CENPP: variants seen among roughly 807,000 people sequenced by gnomAD.
CENPP encodes centromere protein P.
A neutral mutation model predicts 35.6 loss-of-function variants in CENPP; 24 were observed. The ratio of observed to expected loss-of-function variants is 0.67; its 90% CI spans 0.49 to 0.95. The LOEUF is 0.95. CENPP is among the 40% of genes least tolerant of loss of function. CENPP has a pLI of 0.00. For synonymous variants in CENPP, 120 were observed against 125.5 expected (o/e 0.96, Z 0.29); for missense variants, 332 against 345.3 (o/e 0.96, Z 0.31).
chr9:92,601,497 C>A (rs1254589853), intron 5 of CENPP, among the ~76,000 whole-genome samples: 1 of 152,190 alleles, frequency 6.6e-6, no homozygotes, highest in Admixed American at 6.5e-5. Flanking sequence ...CATGTTAGAG[C>A]TCTTGAGAAT....
At chr9:92,591,661 G>A (rs769919149) in intron 5 of CENPP, among the ~76,000 whole-genome samples, 29 of 151,922 alleles carry the variant, frequency 1.9e-4, no homozygotes, top group African/African-American at 5.6e-4. Context: ...ATCTGTCTGC[G>A]ATGTTTCATT....
chr9:92,491,025 C>G (rs1159631274), intron 5 of CENPP, among the ~76,000 whole-genome samples: 1 of 152,058 alleles, frequency 6.6e-6, no homozygotes, highest in Non-Finnish European at 1.5e-5. Context: ...AGATGGAACT[C>G]TTTATTCAAG....
At chr9:92,451,004 T>C (rs1201099380) in intron 5 of CENPP, among the ~76,000 whole-genome samples, 2 of 152,190 alleles carry the variant, frequency 1.3e-5, no homozygotes, top group East Asian at 3.9e-4. Flanking sequence ...TAGCTCTTTG[T>C]CAGATGAGTA....
chr9:92,514,808 C>T lies in CENPP; in HGVS notation c.565-96506C>T, dbSNP rs753114560. On this transcript the variant is annotated intron_variant, in intron 5 of 7. Transcript: ENST00000375587. The stretch of plus-strand genomic sequence containing the variant: ...GGCATTCGGAACATATCTCCTCTTA[C>T]CGGGTCCTCCTCGTCCTCCTCATCC... The T allele has an allele frequency of 3.8e-5, 61 of 1,613,564 alleles. No individual in the cohort carries two copies. The highest frequency in any genetic ancestry group is 3.0e-4 in the South Asian group (27 of 90,990).
chr9:92,496,585 A>G, intron 5 of CENPP: 1 of 1,446,830 alleles, frequency 6.9e-7, no homozygotes, highest in Non-Finnish European at 9.2e-7. Context: ...CTTAAAATAA[A>G]GTTGGATCCT....
chr9:92,358,216 A>G (rs1841644842), intron 4 of CENPP, among the ~76,000 whole-genome samples: 1 of 148,646 alleles, frequency 6.7e-6, no homozygotes, highest in Admixed American at 6.7e-5. Context: ...TTCTCTTGAC[A>G]TGTCCCCATG....
chr9:92,510,345 T>C (rs1847260839), intron 5 of CENPP, among the ~76,000 whole-genome samples: 1 of 152,254 alleles, frequency 6.6e-6, no homozygotes, highest in African/African-American at 2.4e-5. Flanking sequence ...TCTTGCTAGA[T>C]CTTAGGTTTC....
At chr9:92,337,871 G>A (rs992677420) in intron 3 of CENPP, among the ~76,000 whole-genome samples, 7 of 152,356 alleles carry the variant, frequency 4.6e-5, no homozygotes, top group African/African-American at 1.7e-4. Context: ...CAGGTAGCAA[G>A]ATGCTCCTGG....
In CENPP at chr9:92,516,074, C is replaced by A. The variant is rs193022164; in HGVS notation, c.565-95240C>A. ...ATTTCACAGTGCATACTTTTTTTTC[C>A]CCCCCCCGAGACGGAGTCTTGCTCT... On this transcript the variant is annotated intron_variant, in intron 5 of 7. Transcript: ENST00000375587. 2.9e-5 allele frequency among the ~76,000 whole-genome samples: 4 copies of A among 140,154 alleles called. No individual in the cohort carries two copies. In the East Asian group the frequency reaches 8.1e-4, roughly 28 times the overall value. The allele number at this position is 140,154 out of a possible 152,430, so 91.9% of individuals were successfully genotyped here.
chr9:92,495,534 C>T, intron 5 of CENPP: 1 of 982,170 alleles, frequency 1.0e-6, no homozygotes, highest in Non-Finnish European at 1.2e-6. Context: ...TTTAAGCAAA[C>T]TCTACTGCTT....
At chr9:92,572,139 A>G (rs1393354174) in intron 5 of CENPP, among the ~76,000 whole-genome samples, 2 of 152,112 alleles carry the variant, frequency 1.3e-5, no homozygotes, top group African/African-American at 4.8e-5. Flanking sequence ...TTATGATGTT[A>G]GCTGGTTATT....
At chr9:92,466,170 C>T (rs1270839082) in intron 5 of CENPP, among the ~76,000 whole-genome samples, 3 of 152,078 alleles carry the variant, frequency 2.0e-5, no homozygotes, top group East Asian at 3.9e-4. Flanking sequence ...GACAGTATTA[C>T]GAAGATCATA....
At chr9:92,447,995 A>C (rs1416636919) in intron 5 of CENPP, among the ~76,000 whole-genome samples, 1 of 152,170 alleles carries the variant, frequency 6.6e-6, no homozygotes, top group Non-Finnish European at 1.5e-5. Flanking sequence ...ACTCACCCTA[A>C]AGGTAATGAT....
intron 5 of CENPP, among the ~76,000 whole-genome samples, chr9:92,492,831 G>GTGCC (rs991899474): frequency 3.3e-5 from 5 of 152,166 alleles, no homozygotes; most frequent in African/African-American, 4.8e-5. Context: ...TTGTTCTCAT[G>GTGCC]TGCCACCTGC....
intron 5 of CENPP, among the ~76,000 whole-genome samples, chr9:92,554,470 A>G (rs1437987230): frequency 6.6e-6 from 1 of 152,220 alleles, no homozygotes; most frequent in Admixed American, 6.5e-5. Flanking sequence ...GGCGTGAGCC[A>G]CTGCGCCCTG....
At chr9:92,453,780 A>G (rs1164111541) in intron 5 of CENPP, among the ~76,000 whole-genome samples, 2 of 152,180 alleles carry the variant, frequency 1.3e-5, no homozygotes, top group Non-Finnish European at 2.9e-5. Flanking sequence ...TGAAAGAGAA[A>G]TAGTATGGTA....
chr9:92,572,461 G>T (rs937262508), intron 5 of CENPP, among the ~76,000 whole-genome samples: 3 of 152,210 alleles, frequency 2.0e-5, no homozygotes, highest in African/African-American at 7.2e-5. Context: ...GAGATCCGCT[G>T]TTAGTCTGAT....
chr9:92,498,836 T>G (rs1456849375), intron 5 of CENPP, among the ~76,000 whole-genome samples: 6 of 152,208 alleles, frequency 3.9e-5, no homozygotes, highest in African/African-American at 1.4e-4. Flanking sequence ...ATTTTCAGTG[T>G]AAGAGAAACA....
chr9:92,580,330 G>A (rs1017093146), intron 5 of CENPP, among the ~76,000 whole-genome samples: 55 of 152,288 alleles, frequency 3.6e-4, no homozygotes, highest in Non-Finnish European at 6.9e-4. Context: ...AAGAGTTAGG[G>A]AGGATTCCCT....
Sources: allele counts gnomAD v4.1 joint callset (sites outside exome capture counted in the v4.1 genomes callset), GRCh38; gene constraint gnomAD v4.1.1; transcripts MANE v1.5; gene names NCBI Gene and HGNC (gene_info 2026-07-23, HGNC 2026-07-21).